Variants in RFX3 observed in about 807,000 individuals in gnomAD.
RFX3 encodes regulatory factor X3.
Under a neutral mutation model 98.6 loss-of-function variants are expected in RFX3, and 14 were observed. The ratio of observed to expected loss-of-function variants is 0.14; its 90% CI spans 0.09 to 0.22. RFX3 has a LOEUF of 0.22. RFX3 is among the 10% of genes least tolerant of loss of function. The pLI is 1.00. For synonymous variants in RFX3, 383 were observed against 328.4 expected (o/e 1.17, Z -1.80); for missense variants, 639 against 926.9 (o/e 0.69, Z 4.03).
intron 4 of RFX3, among the ~76,000 whole-genome samples, chr9:3,313,394 T>C (rs1027495721): frequency 3.3e-5 from 5 of 152,142 alleles, no homozygotes; most frequent in East Asian, 1.9e-4. Context: ...CAAAGGTAGA[T>C]AAAACCACAA....
At chr9:3,455,798 T>C (rs1230406646) in intron 1 of RFX3, among the ~76,000 whole-genome samples, 1 of 152,226 alleles carries the variant, frequency 6.6e-6, no homozygotes, top group Admixed American at 6.5e-5. Context: ...TCTTAAAACC[T>C]GGAAACCATA....
At chr9:3,419,979 C>G (rs1843305047) in intron 1 of RFX3, among the ~76,000 whole-genome samples, 1 of 152,196 alleles carries the variant, frequency 6.6e-6, no homozygotes, top group Non-Finnish European at 1.5e-5. Context: ...TTTTTCTCCT[C>G]CTCCTACCGC....
At chr9:3,325,046 C>T (rs766909700) in intron 4 of RFX3, among the ~76,000 whole-genome samples, 1 of 152,016 alleles carries the variant, frequency 6.6e-6, no homozygotes, top group Non-Finnish European at 1.5e-5. Flanking sequence ...AATTGGGAAA[C>T]GGGTGAGAGA....
At chr9:3,504,230 CTATA>C (rs1374362744) in intron 1 of RFX3, among the ~76,000 whole-genome samples, 1 of 120,324 alleles carries the variant, frequency 8.3e-6, no homozygotes, top group East Asian at 2.2e-4. Flanking sequence ...ATATTATATA[CTATA>C]TATTATATAT....
intron 2 of RFX3, among the ~76,000 whole-genome samples, chr9:3,376,872 T>G (rs1838583657): frequency 6.6e-6 from 1 of 152,092 alleles, no homozygotes; most frequent in African/African-American, 2.4e-5. Context: ...ATCAGAGAAA[T>G]GCAAATCAAA....
At chr9:3,380,481 C>A (rs1200334150) in intron 2 of RFX3, among the ~76,000 whole-genome samples, 1 of 152,136 alleles carries the variant, frequency 6.6e-6, no homozygotes, top group Non-Finnish European at 1.5e-5. Context: ...TGGCTCATAA[C>A]AGATGCTCAA....
intron 3 of RFX3, among the ~76,000 whole-genome samples, chr9:3,343,186 C>T (rs1007150225): frequency 6.6e-6 from 1 of 152,150 alleles, no homozygotes; most frequent in Admixed American, 6.5e-5. Context: ...AGACCCCATG[C>T]ATTATGGCTA....
chr9:3,296,655 T>C (rs1828031219), intron 5 of RFX3, among the ~76,000 whole-genome samples: 1 of 152,084 alleles, frequency 6.6e-6, no homozygotes, highest in Admixed American at 6.6e-5. Context: ...CTACGTTTTG[T>C]TCCCTACCCG....
intron 4 of RFX3, among the ~76,000 whole-genome samples, chr9:3,308,441 G>C (rs1322817097): frequency 1.3e-5 from 2 of 152,064 alleles, no homozygotes; most frequent in South Asian, 2.1e-4. Flanking sequence ...CTGGTCTCTG[G>C]GGCAGAAAAG....
intron 1 of RFX3, among the ~76,000 whole-genome samples, chr9:3,499,600 T>C (rs907833993): frequency 6.6e-6 from 1 of 152,042 alleles, no homozygotes; most frequent in Non-Finnish European, 1.5e-5. Flanking sequence ...TTAAGTCAAA[T>C]TGTGGGAAAT....
At chr9:3,266,147 A>C in intron 12 of RFX3, 61 bp downstream of exon 12, 1 of 964,770 alleles carries the variant, frequency 1.0e-6, no homozygotes, top group South Asian at 1.5e-5. Flanking sequence ...GATAGATGTA[A>C]AGTTCACAAT....
At chr9:3,394,893 G>C (rs72699080) in intron 2 of RFX3, 13 of 943,886 alleles carry the variant, frequency 1.4e-5, no homozygotes, top group Non-Finnish European at 1.6e-5. Context: ...GTATGAATAA[G>C]ACCTGTAGTA....
rs535757437 is a variant in RFX3, at chr9:3,511,935, A to G, written c.-9+13812T>C. On this transcript the variant is annotated intron_variant, in intron 1 of 16. Transcript: ENST00000617270. ...AACAGTAATTTATTGTACACTTTAAAATAACTAAAAGTATAATTAGAATGT... is the reference window on the plus strand; with the variant it reads ...AACAGTAATTTATTGTACACTTTAAGATAACTAAAAGTATAATTAGAATGT... 1.0e-3 allele frequency among the ~76,000 whole-genome samples: 152 copies of G among 152,210 alleles called. 2 individuals carry two copies. The South Asian group carries it at 0.029, about 29-fold the overall frequency.
At chr9:3,499,344 CAAA>C (rs532825739) in intron 1 of RFX3, among the ~76,000 whole-genome samples, 4 of 151,694 alleles carry the variant, frequency 2.6e-5, no homozygotes, top group Non-Finnish European at 5.9e-5. Context: ...ACCATTCCCC[CAAA>C]AAAATTATTT....
chr9:3,296,198 G>T (rs574755359), intron 5 of RFX3, among the ~76,000 whole-genome samples: 1 of 151,854 alleles, frequency 6.6e-6, no homozygotes, highest in South Asian at 2.1e-4. Context: ...AAAATATTTT[G>T]AGTCCAATGG....
intron 1 of RFX3, among the ~76,000 whole-genome samples, chr9:3,446,027 T>G (rs1846016775): frequency 6.6e-6 from 1 of 152,128 alleles, no homozygotes; most frequent in African/African-American, 2.4e-5. Flanking sequence ...TAGGTTTGTT[T>G]CCTGCAAAAA....
intron 15 of RFX3, among the ~76,000 whole-genome samples, chr9:3,233,639 G>C (rs964430268): frequency 6.6e-6 from 1 of 152,186 alleles, no homozygotes; most frequent in Non-Finnish European, 1.5e-5. Context: ...CCTGCTGGAA[G>C]AGTTTACCCC....
At chr9:3,473,406 T>C (rs991434716) in intron 1 of RFX3, among the ~76,000 whole-genome samples, 1 of 152,104 alleles carries the variant, frequency 6.6e-6, no homozygotes, top group Non-Finnish European at 1.5e-5. Context: ...AACTCTGGGG[T>C]CTAGCCAAGA....
At chr9:3,354,711 C>G (rs941795984) in intron 2 of RFX3, among the ~76,000 whole-genome samples, 1 of 151,598 alleles carries the variant, frequency 6.6e-6, no homozygotes, top group African/African-American at 2.4e-5. Flanking sequence ...AAAAGAAGTT[C>G]TTCAGACTAA....
Sources: gnomAD v4.1 joint callset for allele counts (sites outside exome capture counted in the v4.1 genomes callset) on GRCh38, gnomAD v4.1.1 for gene constraint, MANE v1.5 for transcripts, NCBI Gene and HGNC (gene_info 2026-07-23, HGNC 2026-07-21) for gene names.